RAD51B: variants seen among roughly 807,000 people sequenced by gnomAD.
RAD51B encodes RAD51 paralog B, also known as DNA repair protein RAD51 homolog 2.
RAD51B carries 38 observed loss-of-function variants against 42.2 expected under a neutral mutation model. The observed-to-expected ratio is 0.90, with a 90% CI of 0.70 to 1.18. The LOEUF (loss-of-function observed/expected upper bound fraction) is 1.18. RAD51B is among the 50% of genes most tolerant of loss of function. RAD51B has a pLI of 0.00. For missense variants in RAD51B, 373 were observed against 400.7 expected, an observed-to-expected ratio of 0.93 and a Z score of 0.59; for synonymous variants, 154 against 145.2, an observed-to-expected ratio of 1.06 and a Z score of -0.43.
intron 9 of RAD51B, among the ~76,000 whole-genome samples, chr14:68,419,016 G>T (rs529338891): frequency 3.3e-4 from 51 of 152,242 alleles, no homozygotes; most frequent in South Asian, 1.0e-3. Flanking sequence ...AAAATCCCAG[G>T]TGTTTGTGAA....
chr14:67,821,259 A>G (rs1047420558), intron 1 of RAD51B, among the ~76,000 whole-genome samples: 1 of 152,168 alleles, frequency 6.6e-6, no homozygotes, highest in Admixed American at 6.5e-5. Flanking sequence ...AATATGCTTA[A>G]ATGATTCTTG....
chr14:68,670,652 T>C (rs1163412793), intron 11 of RAD51B, among the ~76,000 whole-genome samples: 8 of 152,212 alleles, frequency 5.3e-5, no homozygotes, highest in Non-Finnish European at 1.2e-4. Context: ...CACTTGCTAC[T>C]TTTAATCCTC....
intron 7 of RAD51B, among the ~76,000 whole-genome samples, chr14:67,915,216 C>T (rs1039146340): frequency 4.6e-5 from 7 of 152,060 alleles, no homozygotes; most frequent in African/African-American, 1.7e-4. Context: ...GCATTTATAC[C>T]CCCAAATCTA....
rs576702606 is a variant in RAD51B, at chr14:68,315,729, A to G, written c.853+23749A>G. Among the ~76,000 whole-genome samples, 459 of 152,164 alleles carry G rather than the reference A, an allele frequency of 3.0e-3. 2 individuals carry two copies. Among genetic ancestry groups the G allele is most frequent in the Middle Eastern group, 0.02 (6 of 294 alleles). On this transcript the variant is annotated intron_variant, in intron 8 of 10. Coordinates refer to ENST00000471583, the MANE Select transcript of RAD51B (RefSeq NM_133510.4). ...AGTAGAGACAGGGTTTCACCATGTT[A>G]GCCAGGATAGTCTCCATCTCCTGAC...
At chr14:68,371,945 C>G (rs1305226022) in intron 8 of RAD51B, among the ~76,000 whole-genome samples, 2 of 152,202 alleles carry the variant, frequency 1.3e-5, no homozygotes, top group African/African-American at 4.8e-5. Context: ...GGAGAATGGG[C>G]TGAGCTGTAG....
At chr14:67,965,084 C>A (rs2074743590) in intron 7 of RAD51B, among the ~76,000 whole-genome samples, 1 of 152,148 alleles carries the variant, frequency 6.6e-6, no homozygotes, top group African/African-American at 2.4e-5. Context: ...AGATCCTTAT[C>A]CTTTTGGAGC....
intron 10 of RAD51B, among the ~76,000 whole-genome samples, chr14:68,585,404 G>A (rs1713149608): frequency 6.6e-6 from 1 of 152,136 alleles, no homozygotes; most frequent in South Asian, 2.1e-4. Flanking sequence ...GGTTCTTAGC[G>A]AGTCTCCCCT....
intron 4 of RAD51B, among the ~76,000 whole-genome samples, chr14:67,848,641 G>A (rs1371935815): frequency 6.6e-6 from 1 of 152,058 alleles, no homozygotes; most frequent in African/African-American, 2.4e-5. Context: ...TTGGCTGGTT[G>A]TTATGTAGAC....
At chr14:67,829,348 T>C (rs10150007) in intron 3 of RAD51B, among the ~76,000 whole-genome samples, 43,890 of 151,672 alleles carry the variant, frequency 0.29, 6,761 homozygotes, top group Middle Eastern at 0.43. Context: ...GTTCACGCCA[T>C]TCTCCTGCCT....
At chr14:68,142,119 A>C (rs538131016) in intron 7 of RAD51B, among the ~76,000 whole-genome samples, 2 of 152,284 alleles carry the variant, frequency 1.3e-5, no homozygotes, top group Admixed American at 1.3e-4. Context: ...TAGTTAATTT[A>C]ACTTTTACTA....
At chr14:68,400,799 T>G (rs1360370029) in intron 8 of RAD51B, among the ~76,000 whole-genome samples, 2 of 152,254 alleles carry the variant, frequency 1.3e-5, no homozygotes, top group African/African-American at 4.8e-5. Context: ...TAGTATTTAC[T>G]TAAGGGTAAT....
intron 7 of RAD51B, among the ~76,000 whole-genome samples, chr14:68,052,632 T>C (rs932149305): frequency 4.1e-4 from 62 of 152,052 alleles, no homozygotes; most frequent in African/African-American, 1.1e-3. Context: ...CTTCTTCTTT[T>C]TTTTTTTGGA....
At chr14:68,140,626 C>G (rs2078109012) in intron 7 of RAD51B, among the ~76,000 whole-genome samples, 2 of 152,202 alleles carry the variant, frequency 1.3e-5, no homozygotes, top group African/African-American at 4.8e-5. Context: ...ACTTGGGATG[C>G]AAAGCCAAAT....
intron 7 of RAD51B, among the ~76,000 whole-genome samples, chr14:67,992,581 G>A (rs566659593): frequency 3.3e-5 from 5 of 152,058 alleles, no homozygotes; most frequent in Admixed American, 2.0e-4. Context: ...ACTCTCTGTC[G>A]TTTGGCTAAG....
At chr14:67,873,897 A>G (rs914236130) in intron 5 of RAD51B, among the ~76,000 whole-genome samples, 5 of 133,732 alleles carry the variant, frequency 3.7e-5, no homozygotes, top group Admixed American at 2.3e-4. Context: ...ATGAGAACAC[A>G]TGGACACAGG....
chr14:68,562,199 C>T, intron 10 of RAD51B: 1 of 985,358 alleles, frequency 1.0e-6, no homozygotes, highest in Non-Finnish European at 1.2e-6. Context: ...TCCAAGTGAC[C>T]CTGCCTCACC....
intron 8 of RAD51B, among the ~76,000 whole-genome samples, chr14:68,334,611 G>A (rs567087624): frequency 6.6e-6 from 1 of 152,192 alleles, no homozygotes; most frequent in South Asian, 2.1e-4. Context: ...AGCATCAGCT[G>A]TGTTCCATTA....
At chr14:68,170,034 T>C (rs1276653034) in intron 7 of RAD51B, among the ~76,000 whole-genome samples, 2 of 152,202 alleles carry the variant, frequency 1.3e-5, no homozygotes, top group Non-Finnish European at 2.9e-5. Flanking sequence ...GGAAGATGCC[T>C]TTCTTACTGA....
intron 8 of RAD51B, among the ~76,000 whole-genome samples, chr14:68,329,489 T>C (rs557154369): frequency 6.6e-5 from 10 of 152,180 alleles, no homozygotes; most frequent in South Asian, 2.1e-4. Context: ...AAGGTACCTT[T>C]CCTTTTCTTT....
Sources: allele counts gnomAD v4.1 joint callset (sites outside exome capture counted in the v4.1 genomes callset), GRCh38; gene constraint gnomAD v4.1.1; transcripts MANE v1.5; gene names NCBI Gene and HGNC (gene_info 2026-07-23, HGNC 2026-07-21).